The following TUBB8 variants were observed in gnomAD, a reference collection of about 807,000 sequenced individuals.
The protein encoded by TUBB8 is tubulin beta-8 chain.
Under a neutral mutation model 33.7 loss-of-function variants are expected in TUBB8, and 25 were observed. That is an observed-to-expected ratio of 0.74 (90% CI 0.54 to 1.04). The LOEUF (loss-of-function observed/expected upper bound fraction) is 1.04, where lower values mean the gene tolerates loss of function less well. TUBB8 is among the 50% of genes least tolerant of loss of function. The probability of loss-of-function intolerance (pLI) is 0.00; values close to 1 mark genes in which losing one functional copy is unlikely to be tolerated. For missense variants in TUBB8, 279 were observed against 608.0 expected (o/e 0.46, Z 5.69); for synonymous variants, 245 against 240.1 (o/e 1.02, Z -0.19).
intron 1 of TUBB8, among the ~76,000 whole-genome samples, chr10:67,117 G>T (rs1834680430): frequency 6.6e-6 from 1 of 151,198 alleles, no homozygotes; most frequent in South Asian, 2.1e-4. Context: ...TTGAAATTTG[G>T]AAATGTGAGC....
upstream of TUBB8, among the ~76,000 whole-genome samples, chr10:75,127 G>A (rs1436059624): frequency 1.4e-4 from 21 of 150,574 alleles, no homozygotes; most frequent in Non-Finnish European, 2.1e-4. Flanking sequence ...CCCCCACCAA[G>A]GCCTCCCAAA....
At chr10:69,234 C>G (rs1834707727) in intron 1 of TUBB8, among the ~76,000 whole-genome samples, 1 of 152,196 alleles carries the variant, frequency 6.6e-6, no homozygotes, top group South Asian at 2.1e-4. Context: ...GCATGCTGCC[C>G]TTTCCAAGGC....
chr10:67,729 G>A (rs1554741791), intron 1 of TUBB8, among the ~76,000 whole-genome samples: 2 of 152,172 alleles, frequency 1.3e-5, no homozygotes, highest in African/African-American at 4.8e-5. Context: ...TCAGCCTCAT[G>A]TACAAGTCTT....
At chr10:76,615 G>C (rs1834817808), upstream of TUBB8, among the ~76,000 whole-genome samples, 1 of 127,476 alleles carries the variant, frequency 7.8e-6, no homozygotes, top group African/African-American at 3.0e-5. Context: ...CCGCCGCCGT[G>C]CGGTTCGGAC....
At chr10:58,935 G>T (rs1490179210) in intron 1 of TUBB8, among the ~76,000 whole-genome samples, 1 of 152,050 alleles carries the variant, frequency 6.6e-6, no homozygotes, top group Non-Finnish European at 1.5e-5. Flanking sequence ...TTGTCTGATT[G>T]CTCCAGACAG....
intron 1 of TUBB8, among the ~76,000 whole-genome samples, chr10:60,227 T>C (rs1462308454): frequency 1.1e-4 from 16 of 152,242 alleles, no homozygotes; most frequent in African/African-American, 3.9e-4. Context: ...CTGATTTTTA[T>C]ATAGGCACTT....
At chr10:60,410 G>A (rs1302830847) in intron 1 of TUBB8, among the ~76,000 whole-genome samples, 3 of 152,004 alleles carry the variant, frequency 2.0e-5, no homozygotes, top group Non-Finnish European at 4.4e-5. Context: ...TCAAAAAGTG[G>A]GCAAAGGACA....
At chr10:56,416 G>A (rs1834531867) in intron 1 of TUBB8, among the ~76,000 whole-genome samples, 1 of 152,326 alleles carries the variant, frequency 6.6e-6, no homozygotes, top group African/African-American at 2.4e-5. Context: ...AATAATCGGT[G>A]ACTAGTTAAT....
At chr10:62,751 G>A (rs1834619268) in intron 1 of TUBB8, among the ~76,000 whole-genome samples, 4 of 152,210 alleles carry the variant, frequency 2.6e-5, no homozygotes, top group Admixed American at 2.0e-4. Context: ...AGGACTTTTT[G>A]CCAAATACAT....
chr10:47,430 A>AT lies in TUBB8; in HGVS notation c.961dup (p.Met321AsnfsTer8). 1 of 1,612,164 alleles carries AT rather than the reference A, an allele frequency of 6.2e-7. No individual in the cohort carries two copies. The highest frequency in any genetic ancestry group is 8.5e-7 in the Non-Finnish European group (1 of 1,179,954). ...TTGTTCATCCACCTCCCTCATGGGCATGCGACCCCTGAAAATGGCAGCCGC... is the reference window on the plus strand; with the variant it reads ...TTGTTCATCCACCTCCCTCATGGGCATTGCGACCCCTGAAAATGGCAGCCGC... On this transcript the variant is annotated frameshift_variant, in exon 4 of 4. Transcript: ENST00000568584. LOFTEE classifies it high-confidence loss of function.
At chr10:46,834 G>T (rs1554737861), downstream of TUBB8, 3 of 449,924 alleles carry the variant, frequency 6.7e-6, no homozygotes, top group Non-Finnish European at 1.2e-5. Context: ...GGACAACTAT[G>T]CGCATCTGGC....
At chr10:54,674 T>C (rs1169591062) in intron 1 of TUBB8, among the ~76,000 whole-genome samples, 1 of 152,228 alleles carries the variant, frequency 6.6e-6, no homozygotes, top group African/African-American at 2.4e-5. Flanking sequence ...TTATTATATT[T>C]TTTTCTATAG....
chr10:47,340 G>C lies in TUBB8; in HGVS notation c.1052C>G (p.Thr351Arg). The change falls in exon 4 of 4, where the codon ACA becomes AGA. Residue 351 changes from threonine to arginine, a missense_variant. Thr to Arg is a moderately conservative substitution (Grantham distance 71). Around this residue, in one of 4 missense-constraint regions of TUBB8, gnomAD observed 123 missense variants for 228.9 expected, o/e 0.54. Coordinates refer to ENST00000568584, the MANE Select transcript of TUBB8 (RefSeq NM_177987.3). The part of the protein sequence containing the change: ...FADWLPNNVK[T>R]AVCDIPPRGL... ...CCGGGGTGGGATGTCACAGACGGCT[G>C]TTTTTACGTTGTTGGGGAGCCAGTC... 1.2e-6 allele frequency: 2 copies of C among 1,613,346 alleles called. No individual in the cohort carries two copies. The highest frequency in any genetic ancestry group is 1.7e-6 in the Non-Finnish European group (2 of 1,179,990).
chr10:75,615 A>C (rs1243050130), upstream of TUBB8, among the ~76,000 whole-genome samples: 3 of 145,798 alleles, frequency 2.1e-5, no homozygotes, highest in African/African-American at 7.6e-5. Context: ...AGATCGCACC[A>C]CTGCACTCCA....
intron 1 of TUBB8, among the ~76,000 whole-genome samples, chr10:60,809 A>C (rs541149757): frequency 1.1e-4 from 17 of 152,222 alleles, no homozygotes; most frequent in African/African-American, 3.6e-4. Flanking sequence ...CACAATAGCA[A>C]AGACTTGGAA....
chr10:56,578 C>A (rs1247337497), intron 1 of TUBB8, among the ~76,000 whole-genome samples: 2 of 152,184 alleles, frequency 1.3e-5, no homozygotes, highest in African/African-American at 4.8e-5. Flanking sequence ...AGTGCAAGGG[C>A]AGGGGGGAAG....
chr10:59,861 G>T (rs1476718702), intron 1 of TUBB8, among the ~76,000 whole-genome samples: 8 of 152,204 alleles, frequency 5.3e-5, no homozygotes, highest in Non-Finnish European at 1.2e-4. Context: ...CTCTTGGTAA[G>T]TTGTGTGTGT....
chr10:60,589 A>T (rs1320509788), intron 1 of TUBB8, among the ~76,000 whole-genome samples: 2 of 152,124 alleles, frequency 1.3e-5, no homozygotes, highest in East Asian at 3.9e-4. Context: ...GGTGCTGGAG[A>T]GGATGTGGAG....
At chr10:55,005 C>T (rs530977540) in intron 1 of TUBB8, among the ~76,000 whole-genome samples, 3 of 152,264 alleles carry the variant, frequency 2.0e-5, no homozygotes, top group African/African-American at 7.2e-5. Flanking sequence ...ATCCACCCAC[C>T]GCTGCCTCCC....
Sources: gnomAD v4.1 joint callset for allele counts (sites outside exome capture counted in the v4.1 genomes callset) on GRCh38, gnomAD v4.1.1 for gene constraint, gnomAD v4.1.1 regional missense constraint, MANE v1.5 for transcripts, NCBI Gene and HGNC (gene_info 2026-07-23, HGNC 2026-07-21) for gene names.